The following TMC5 variants were observed in gnomAD, a reference collection of about 807,000 sequenced individuals.
The protein encoded by TMC5 is transmembrane channel like 5.
A neutral mutation model predicts 110.5 loss-of-function variants in TMC5; 86 were observed. That is an observed-to-expected ratio of 0.78 (90% confidence interval 0.65 to 0.93). The LOEUF is 0.93. Among genes scored for constraint, TMC5 ranks in the 40% least tolerant of loss-of-function variants. TMC5 has a pLI of 0.00. For synonymous variants in TMC5, 455 were observed against 439.5 expected (o/e 1.04, Z -0.44); for missense variants, 1,144 against 1,222.8 (o/e 0.94, Z 0.96).
chr16:19,473,372 A>G (rs1597204801), intron 11 of TMC5, among the ~76,000 whole-genome samples: 1 of 144,418 alleles, frequency 6.9e-6, no homozygotes, highest in African/African-American at 2.7e-5. Flanking sequence ...AAAAAAAAAA[A>G]AAAAAAAAAC....
intron 5 of TMC5, among the ~76,000 whole-genome samples, chr16:19,451,256 A>G (rs1967742753): frequency 1.3e-5 from 2 of 152,194 alleles, no homozygotes; most frequent in African/African-American, 4.8e-5. Flanking sequence ...CCTCTATACA[A>G]TGATGCGTGT....
intron 4 of TMC5, among the ~76,000 whole-genome samples, chr16:19,449,218 T>G (rs1176753989): frequency 6.6e-6 from 1 of 152,126 alleles, no homozygotes; most frequent in African/African-American, 2.4e-5. Context: ...ACTTTTGGGC[T>G]CAAGTAATCC....
At chr16:19,491,043 A>C (rs1461720230) in intron 18 of TMC5, among the ~76,000 whole-genome samples, 1 of 141,588 alleles carries the variant, frequency 7.1e-6, no homozygotes, top group Non-Finnish European at 1.5e-5. Context: ...CAGGGTCATG[A>C]TCTCTCACTC....
intron 1 of TMC5, among the ~76,000 whole-genome samples, chr16:19,425,563 C>T (rs760221937): frequency 1.1e-4 from 16 of 152,024 alleles, no homozygotes; most frequent in Non-Finnish European, 1.5e-4. Flanking sequence ...TAATTTGGAC[C>T]GACTGCTTTC....
At chr16:19,448,304 G>GCACGCA (rs1555481971) in intron 4 of TMC5, among the ~76,000 whole-genome samples, 2 of 142,186 alleles carry the variant, frequency 1.4e-5, no homozygotes, top group African/African-American at 2.8e-5. Context: ...ACACACACAC[G>GCACGCA]CACACACACA....
In TMC5 at chr16:19,463,825, G is replaced by A. The variant is rs760955261; in HGVS notation, c.1286G>A (p.Ser429Asn). ...CTGTCGGAAATTCTGAATTCCATCA[G>A]CCTGTGGCAGAAGACGCTGAAGATC... is the stretch of plus-strand genomic sequence containing the variant. ...NSLSEILNSI[S>N]LWQKTLKIIG... The change falls in exon 8 of 22, where the codon AGC becomes AAC. Residue 429 changes from serine to asparagine, a missense_variant. By Grantham distance (46) the Ser-to-Asn change is conservative. Transcript: ENST00000542583. 6.2e-7 allele frequency: 1 copy of A among 1,614,182 alleles called. No individual in the cohort carries two copies. The highest frequency in any genetic ancestry group is 8.5e-7 in the Non-Finnish European group (1 of 1,180,024).
chr16:19,490,759 CTTCCCTTCCT>C (rs1567327755), intron 18 of TMC5, among the ~76,000 whole-genome samples, 191 bp downstream of exon 18: 2,103 of 53,612 alleles, frequency 0.039, 51 homozygotes, highest in Non-Finnish European at 0.08. Flanking sequence ...TCCTTCCTTC[CTTCCCTTCCT>C]TTTTTTCTTT....
chr16:19,421,501 G>T (rs1485225595), intron 1 of TMC5, among the ~76,000 whole-genome samples: 1 of 152,144 alleles, frequency 6.6e-6, no homozygotes, highest in Non-Finnish European at 1.5e-5. Context: ...TGCCATGATT[G>T]TGAGACCTCC....
chr16:19,443,753 AATGTATGTATGGTTGG>A (rs1379261533), intron 3 of TMC5, among the ~76,000 whole-genome samples: 1 of 151,976 alleles, frequency 6.6e-6, no homozygotes, highest in Non-Finnish European at 1.5e-5. Context: ...TGGATGGATG[AATGTATGTATGGTTGG>A]ATGGATGGAT....
chr16:19,439,428 G>A (rs74013776), intron 2 of TMC5, among the ~76,000 whole-genome samples: 29,422 of 152,010 alleles, frequency 0.19, 2,947 homozygotes, highest in African/African-American at 0.24. Flanking sequence ...TTGGTTCACT[G>A]GTCCCCTCCC....
chr16:19,496,495 C>A (rs1489816183), intron 20 of TMC5, among the ~76,000 whole-genome samples: 1 of 152,020 alleles, frequency 6.6e-6, no homozygotes, highest in Non-Finnish European at 1.5e-5. Context: ...GATCTAGAGG[C>A]CTAAAGGTAG....
intron 4 of TMC5, among the ~76,000 whole-genome samples, chr16:19,446,057 G>C (rs1967607345): frequency 7.0e-6 from 1 of 142,498 alleles, no homozygotes; most frequent in African/African-American, 2.6e-5. Flanking sequence ...GAAAGGAAGG[G>C]AGTGGAGGGG....
chr16:19,471,945 G>A (rs1160901180), intron 10 of TMC5, 143 bp from the exon 11 acceptor site: 1 of 724,588 alleles, frequency 1.4e-6, no homozygotes, highest in Admixed American at 2.6e-5. Flanking sequence ...ATTTTTGGTA[G>A]AGGCGGGGTT....
At chr16:19,434,555 C>T (rs1003210334) in intron 2 of TMC5, among the ~76,000 whole-genome samples, 2 of 150,334 alleles carry the variant, frequency 1.3e-5, no homozygotes, top group African/African-American at 2.4e-5. Context: ...AACTCCTGGC[C>T]TCAAGGAATC....
At chr16:19,431,472 G>A (rs758163260) in intron 2 of TMC5, among the ~76,000 whole-genome samples, 7 of 151,956 alleles carry the variant, frequency 4.6e-5, no homozygotes, top group Non-Finnish European at 8.8e-5. Context: ...AACCCAGGAG[G>A]CGGAGGTTGC....
At chr16:19,462,466 A>C (rs1968048021) in intron 6 of TMC5, 2 of 698,796 alleles carry the variant, frequency 2.9e-6, no homozygotes, top group Non-Finnish European at 2.6e-6. Flanking sequence ...GTGATTTATA[A>C]AGGAAAGAGG....
intron 4 of TMC5, among the ~76,000 whole-genome samples, 183 bp from the exon 5 acceptor site, chr16:19,449,358 GT>G (rs1967695870): frequency 6.6e-6 from 1 of 152,150 alleles, no homozygotes; most frequent in Non-Finnish European, 1.5e-5. Flanking sequence ...TAACAGCACT[GT>G]TTTTGTATTT....
rs1968991891 is a variant in TMC5 at position 19,494,262 on chromosome 16, G to A, written c.2827G>A (p.Glu943Lys). Residue 943 changes from glutamate (E) to lysine (K), a missense_variant and splice_region_variant, in exon 20 of 22, where the codon GAG becomes AAG. Physicochemically the swap from Glu to Lys is moderately conservative, Grantham distance 56. Coordinates refer to ENST00000542583, the MANE Select transcript of TMC5 (RefSeq NM_001261841.2). ...IRLLHEQIIN[E>K]GKDKMFLIEK... ...CTGGTTTTGTTTTCCTTCTTGGTAG[G>A]AGGGCAAAGATAAAATGTTCCTGAT... 2 of 1,608,338 alleles carry A rather than the reference G, an allele frequency of 1.2e-6. No homozygotes were observed. Among genetic ancestry groups the A allele is most frequent in the African/African-American group, 1.3e-5 (1 of 74,602 alleles).
intron 13 of TMC5, among the ~76,000 whole-genome samples, chr16:19,478,043 G>A (rs1236618139): frequency 6.6e-6 from 1 of 152,182 alleles, no homozygotes; most frequent in African/African-American, 2.4e-5. Flanking sequence ...CTTAACTACA[G>A]TTTCTAGTCT....
Sources: gnomAD v4.1 joint callset for allele counts (sites outside exome capture counted in the v4.1 genomes callset) on GRCh38, gnomAD v4.1.1 for gene constraint, MANE v1.5 for transcripts, NCBI Gene and HGNC (gene_info 2026-07-23, HGNC 2026-07-21) for gene names.